The following SSBP3 variants were observed in gnomAD, a reference collection of about 807,000 sequenced individuals.
The protein encoded by SSBP3 is single stranded DNA binding protein 3, also known as single-stranded DNA-binding protein 3.
Under a neutral mutation model 69.6 loss-of-function variants are expected in SSBP3, and 5 were observed. The ratio of observed to expected loss-of-function variants is 0.07; its 90% confidence interval spans 0.04 to 0.15. The LOEUF is 0.15. Ranked by LOEUF, SSBP3 falls within the 10% of genes least tolerant of loss-of-function variation. The probability of loss-of-function intolerance (pLI) is 1.00; values close to 1 mark genes in which losing one functional copy is unlikely to be tolerated. For missense variants in SSBP3, 312 were observed against 534.0 expected (o/e 0.58, Z 4.10); for synonymous variants, 196 against 193.4 (o/e 1.01, Z -0.11).
intron 4 of SSBP3, among the ~76,000 whole-genome samples, chr1:54,350,288 G>A (rs954786654): frequency 2.0e-5 from 3 of 152,236 alleles, no homozygotes; most frequent in African/African-American, 7.2e-5. Context: ...CAACAGGGTT[G>A]CTGTAGAGAC....
chr1:54,261,321 C>T (rs1364910169), intron 5 of SSBP3, among the ~76,000 whole-genome samples: 1 of 152,220 alleles, frequency 6.6e-6, no homozygotes, highest in African/African-American at 2.4e-5. Context: ...TCTTCCTTCC[C>T]AGCCTGCATT....
chr1:54,260,578 C>T (rs1013171368), intron 5 of SSBP3, among the ~76,000 whole-genome samples: 1 of 152,254 alleles, frequency 6.6e-6, no homozygotes, highest in Admixed American at 6.5e-5. Flanking sequence ...GCCTCCTCTG[C>T]GCCTCCCTCA....
At chr1:54,379,075 T>A (rs953928237) in intron 4 of SSBP3, among the ~76,000 whole-genome samples, 1 of 152,180 alleles carries the variant, frequency 6.6e-6, no homozygotes, top group African/African-American at 2.4e-5. Flanking sequence ...TTGCTTTTGA[T>A]GGCTTCCTCC....
At chr1:54,389,927 T>C (rs541369828) in intron 4 of SSBP3, among the ~76,000 whole-genome samples, 60 of 151,834 alleles carry the variant, frequency 4.0e-4, no homozygotes, top group African/African-American at 1.4e-3. Flanking sequence ...ACCTATTAAG[T>C]CTACCTTGCC....
At chr1:54,389,449 A>C (rs964965666) in intron 4 of SSBP3, among the ~76,000 whole-genome samples, 27 of 152,068 alleles carry the variant, frequency 1.8e-4, no homozygotes, top group African/African-American at 6.3e-4. Flanking sequence ...GAACCCTATG[A>C]GCCCAGGCCA....
intron 4 of SSBP3, among the ~76,000 whole-genome samples, chr1:54,341,275 T>C (rs1203623621): frequency 6.6e-6 from 1 of 152,150 alleles, no homozygotes; most frequent in Non-Finnish European, 1.5e-5. Flanking sequence ...GGTCCCTGCC[T>C]GTTCTGGGAT....
chr1:54,239,865 C>A (rs1208949974), intron 13 of SSBP3, among the ~76,000 whole-genome samples: 1 of 152,024 alleles, frequency 6.6e-6, no homozygotes, highest in Non-Finnish European at 1.5e-5. Context: ...CTCCATCTCC[C>A]CAGTTAGCCA....
intron 4 of SSBP3, among the ~76,000 whole-genome samples, chr1:54,368,554 T>C (rs1276238628): frequency 6.6e-6 from 1 of 152,158 alleles, no homozygotes; most frequent in African/African-American, 2.4e-5. Flanking sequence ...TTAGGATTAT[T>C]TAACCAGATA....
At chr1:54,406,855 C>T (rs1207054521), upstream of SSBP3, among the ~76,000 whole-genome samples, 2 of 151,690 alleles carry the variant, frequency 1.3e-5, no homozygotes, top group East Asian at 2.0e-4. Context: ...TCCCCCCCGC[C>T]GCGGCCCGCA....
At chr1:54,349,691 C>T (rs1052498267) in intron 4 of SSBP3, among the ~76,000 whole-genome samples, 6 of 150,152 alleles carry the variant, frequency 4.0e-5, no homozygotes, top group African/African-American at 1.5e-4. Flanking sequence ...AGGTGGGTAT[C>T]CAATGAGGAA....
chr1:54,293,128 G>T (rs77733670), intron 4 of SSBP3, among the ~76,000 whole-genome samples: 4 of 152,064 alleles, frequency 2.6e-5, no homozygotes, highest in African/African-American at 7.3e-5. Flanking sequence ...AAAGCTAAAG[G>T]GCAAGGCGGG....
intron 9 of SSBP3, among the ~76,000 whole-genome samples, chr1:54,246,960 C>A (rs1485048088): frequency 6.6e-6 from 1 of 152,256 alleles, no homozygotes; most frequent in African/African-American, 2.4e-5. Flanking sequence ...TGAAGCTGTA[C>A]AAGGGTCGGT....
chr1:54,238,907 C>T, intron 14 of SSBP3: 1 of 389,954 alleles, frequency 2.6e-6, no homozygotes, highest in South Asian at 2.1e-5. Context: ...CTGGCTCTAA[C>T]CAGAGGGTGG....
At chr1:54,286,312 G>C (rs933890737) in intron 4 of SSBP3, 10 of 152,174 alleles carry the variant, frequency 6.6e-5, no homozygotes, top group Non-Finnish European at 1.5e-4. Context: ...AACAAATAAA[G>C]CTAATTTAAA....
At chr1:54,316,010 C>T (rs1646090832) in intron 4 of SSBP3, among the ~76,000 whole-genome samples, 1 of 152,162 alleles carries the variant, frequency 6.6e-6, no homozygotes. Flanking sequence ...AGGGTTTTAG[C>T]AGGAGGGTCC....
At chr1:54,244,736 T>C (rs926149315) in intron 9 of SSBP3, among the ~76,000 whole-genome samples, 9 of 152,178 alleles carry the variant, frequency 5.9e-5, no homozygotes, top group East Asian at 1.9e-4. Flanking sequence ...CCTGCAGTCA[T>C]ACATGCCTTG....
intron 5 of SSBP3, among the ~76,000 whole-genome samples, chr1:54,280,818 G>GCTT (rs565868252): frequency 9.2e-4 from 140 of 152,266 alleles, no homozygotes; most frequent in Middle Eastern, 3.4e-3. Context: ...GTGTCTCTTG[G>GCTT]AGAAGGCCAG....
At chr1:54,257,372 A>G in intron 6 of SSBP3, 186 bp from the exon 7 acceptor site, 1 of 539,434 alleles carries the variant, frequency 1.9e-6, no homozygotes, top group Non-Finnish European at 3.2e-6. Flanking sequence ...GATCCACACA[A>G]CAAATGTGTC....
intron 7 of SSBP3, among the ~76,000 whole-genome samples, chr1:54,252,233 T>G (rs928380087): frequency 6.6e-6 from 1 of 152,160 alleles, no homozygotes; most frequent in Non-Finnish European, 1.5e-5. Flanking sequence ...CAGTGCCCAC[T>G]CCCTCCTTCT....
Sources: gnomAD v4.1 joint callset for allele counts (sites outside exome capture counted in the v4.1 genomes callset) on GRCh38, gnomAD v4.1.1 for gene constraint, MANE v1.5 for transcripts, NCBI Gene and HGNC (gene_info 2026-07-23, HGNC 2026-07-21) for gene names.